SLC7A7: variants seen among roughly 807,000 people sequenced by gnomAD.
SLC7A7 encodes Y+L amino acid transporter 1.
A neutral mutation model predicts 47.9 loss-of-function variants in SLC7A7; 39 were observed. The ratio of observed to expected loss-of-function variants is 0.81; its 90% CI spans 0.63 to 1.06. SLC7A7 has a LOEUF of 1.06. SLC7A7 is among the 50% of genes least tolerant of loss of function. The probability of loss-of-function intolerance (pLI) is 0.00; values close to 1 mark genes in which losing one functional copy is unlikely to be tolerated. For missense variants in SLC7A7, 588 were observed against 632.0 expected (o/e 0.93, Z 0.75); for synonymous variants, 234 against 242.8 (o/e 0.96, Z 0.34).
intron 2 of SLC7A7, among the ~76,000 whole-genome samples, chr14:22,793,357 G>C (rs1046090551): frequency 1.3e-5 from 2 of 152,186 alleles, no homozygotes; most frequent in East Asian, 3.8e-4. Flanking sequence ...TAACCTCCAA[G>C]CTGCCTTTAT....
At chr14:22,819,729 A>G (rs533921804), upstream of SLC7A7, 1 of 152,508 alleles carries the variant, frequency 6.6e-6, no homozygotes, top group South Asian at 2.1e-4. Flanking sequence ...AACCAAGCGT[A>G]TCGCTCATGC....
chr14:22,818,577 TTTTTGG>T (rs1266074087), upstream of SLC7A7, among the ~76,000 whole-genome samples: 16 of 61,510 alleles, frequency 2.6e-4, 1 homozygote, highest in South Asian at 6.2e-3. Context: ...CTACCCCAGG[TTTTTGG>T]TTTTTTTTTT....
intron 2 of SLC7A7, among the ~76,000 whole-genome samples, chr14:22,786,092 G>A (rs1416118842): frequency 1.3e-5 from 2 of 151,120 alleles, no homozygotes; most frequent in Non-Finnish European, 2.9e-5. Context: ...AGGCCAAGGC[G>A]GGTGGATCAC....
intron 2 of SLC7A7, among the ~76,000 whole-genome samples, chr14:22,795,419 T>C (rs2039001090): frequency 6.8e-6 from 1 of 146,766 alleles, no homozygotes; most frequent in Non-Finnish European, 1.5e-5. Flanking sequence ...TCTTTCTTTC[T>C]TTCTTTCTTT....
Position 22,810,462 on chromosome 14 carries a change from C to CAAAA in SLC7A7, c.499+2434_499+2437dup, listed in dbSNP as rs59569324. The stretch of plus-strand genomic sequence containing the variant: ...GGGCAACAAGAGCGAAACTCCATCT[C>CAAAA]AAAAAAAAAAAAAAAAATAGATTTC... On this transcript the variant is annotated intron_variant, in intron 2 of 9. Coordinates refer to ENST00000674313, the MANE Select transcript of SLC7A7 (RefSeq NM_003982.4). 2.1e-5 allele frequency among the ~76,000 whole-genome samples: 2 copies of CAAAA among 95,670 alleles called. 1 individual carries two copies. The highest frequency in any genetic ancestry group is 4.0e-5 in the Non-Finnish European group (2 of 49,868). 62.8% of individuals were successfully genotyped at this position (95,670 alleles called of 152,430 possible). A position where few individuals can be genotyped will look rare whatever the true frequency, so the allele number is the denominator to read the frequency against.
chr14:22,817,785 G>A (rs964441435), upstream of SLC7A7, among the ~76,000 whole-genome samples: 1 of 152,126 alleles, frequency 6.6e-6, no homozygotes, highest in Non-Finnish European at 1.5e-5. Context: ...CTTAGACCTT[G>A]CTTTTGGACA....
At chr14:22,777,645 C>G (rs1594946932) in intron 4 of SLC7A7, among the ~76,000 whole-genome samples, 1 of 152,176 alleles carries the variant, frequency 6.6e-6, no homozygotes, top group East Asian at 1.9e-4. Flanking sequence ...GGTGGAAGTA[C>G]CACCCAGGCC....
chr14:22,782,030 C>G (rs2038728076), intron 2 of SLC7A7, among the ~76,000 whole-genome samples: 1 of 152,158 alleles, frequency 6.6e-6, no homozygotes, highest in African/African-American at 2.4e-5. Context: ...GGATAAGCAA[C>G]CAATTCACCA....
intron 8 of SLC7A7, 103 bp from the exon 9 acceptor site, chr14:22,774,219 T>C: frequency 6.3e-7 from 1 of 1,588,616 alleles, no homozygotes; most frequent in Admixed American, 1.7e-5. Flanking sequence ...CTTCTTTCCA[T>C]ACCTTTAATT....
chr14:22,774,153 C>G (rs1484834025), intron 8 of SLC7A7, 37 bp from the exon 9 acceptor site: 2 of 1,612,398 alleles, frequency 1.2e-6, no homozygotes, highest in Non-Finnish European at 1.7e-6. Flanking sequence ...GTGGACAACT[C>G]AGGATTCTTA....
intron 2 of SLC7A7, among the ~76,000 whole-genome samples, chr14:22,800,574 A>T (rs2139435673): frequency 6.6e-6 from 1 of 152,338 alleles, no homozygotes; most frequent in Middle Eastern, 3.4e-3. Flanking sequence ...ACTGCCCACG[A>T]GTCACCACGC....
chr14:22,782,768 G>GT (rs34772384), intron 2 of SLC7A7, among the ~76,000 whole-genome samples: 13,237 of 145,200 alleles, frequency 0.091, 953 homozygotes, highest in East Asian at 0.29. Flanking sequence ...GTCCCTTTTT[G>GT]TTTTTTTTTT....
rs746063195 is a variant in SLC7A7 at position 22,775,575 on chromosome 14, T to C, written c.999-35A>G. 29 of 1,581,880 alleles carry C rather than the reference T, an allele frequency of 1.8e-5. No homozygotes were observed. In the Middle Eastern group the frequency reaches 5.1e-4, roughly 28 times the overall value. ...GTAAGATAGGAGAAGCTGAGAAAATTGGTGGACACGGTGCAGCCTGGTTCA... is the reference window on the plus strand; with the variant it reads ...GTAAGATAGGAGAAGCTGAGAAAATCGGTGGACACGGTGCAGCCTGGTTCA... On this transcript the variant is annotated intron_variant, in intron 6 of 9. Transcript: ENST00000674313.
chr14:22,806,943 G>A (rs1041604859), intron 2 of SLC7A7, among the ~76,000 whole-genome samples: 1 of 149,210 alleles, frequency 6.7e-6, no homozygotes, highest in Admixed American at 6.7e-5. Flanking sequence ...TGTCGCCCAG[G>A]CTAGAGTGCA....
At chr14:22,775,183 C>T (rs2038575785) in intron 7 of SLC7A7, among the ~76,000 whole-genome samples, 1 of 152,130 alleles carries the variant, frequency 6.6e-6, no homozygotes, top group South Asian at 2.1e-4. Context: ...CACTCACTAT[C>T]TGTCATGGCA....
rs753507352 is a variant in SLC7A7 at position 22,813,401 on chromosome 14, T to G, written c.-3A>C. 7 of 1,610,578 alleles carry G rather than the reference T, an allele frequency of 4.3e-6. No homozygotes were observed. The highest frequency in any genetic ancestry group is 5.9e-6 in the Non-Finnish European group (7 of 1,180,012). ...TCATACTCAGTGCTGTCAACCATGGTGGAGGAGAGGAAACCCTTCACCAGC... is the reference window on the plus strand; with the variant it reads ...TCATACTCAGTGCTGTCAACCATGGGGGAGGAGAGGAAACCCTTCACCAGC... On this transcript the variant is annotated 5_prime_UTR_variant, in exon 2 of 10. Transcript: ENST00000674313.
intron 2 of SLC7A7, among the ~76,000 whole-genome samples, chr14:22,793,327 A>T (rs570383830): frequency 6.6e-6 from 1 of 152,336 alleles, no homozygotes; most frequent in South Asian, 2.1e-4. Context: ...GATCTAACTT[A>T]ACTGACTCCA....
At chr14:22,776,098 C>A in intron 5 of SLC7A7, 97 bp downstream of exon 5, 3 of 1,562,366 alleles carry the variant, frequency 1.9e-6, no homozygotes, top group Non-Finnish European at 2.6e-6. Flanking sequence ...GAACTCCTTT[C>A]AAGGCTGTCT....
chr14:22,806,090 C>T (rs1337224624), intron 2 of SLC7A7, among the ~76,000 whole-genome samples: 5 of 143,158 alleles, frequency 3.5e-5, no homozygotes, highest in African/African-American at 1.3e-4. Flanking sequence ...CTGCAACCTC[C>T]GCCTACTGAC....
Sources: gnomAD v4.1 joint callset for allele counts (sites outside exome capture counted in the v4.1 genomes callset) on GRCh38, gnomAD v4.1.1 for gene constraint, MANE v1.5 for transcripts, NCBI Gene and HGNC (gene_info 2026-07-23, HGNC 2026-07-21) for gene names.